Variants in ABCA13 observed in about 807,000 individuals in gnomAD.
ABCA13 encodes ATP binding cassette subfamily A member 13, also known as ATP-binding cassette sub-family A member 13.
A neutral mutation model predicts 478.7 loss-of-function variants in ABCA13; 476 were observed. The observed-to-expected ratio is 0.99, with a 90% CI of 0.92 to 1.07. The LOEUF (loss-of-function observed/expected upper bound fraction) is 1.07, where lower values mean the gene tolerates loss of function less well. Among genes scored for constraint, ABCA13 ranks in the 50% least tolerant of loss-of-function variants. The pLI is 0.00. For missense variants in ABCA13, 6,060 were observed against 5,910.6 expected (o/e 1.03, Z -0.83); for synonymous variants, 2,252 against 2,158.9 (o/e 1.04, Z -1.20).
intron 45 of ABCA13, among the ~76,000 whole-genome samples, chr7:48,477,438 C>T (rs1828233516): frequency 6.6e-6 from 1 of 151,968 alleles, no homozygotes; most frequent in Admixed American, 6.6e-5. Flanking sequence ...GACACATGCA[C>T]ACGTATGTTT....
At chr7:48,407,239 C>T (rs1006809297) in intron 39 of ABCA13, among the ~76,000 whole-genome samples, 4 of 151,914 alleles carry the variant, frequency 2.6e-5, no homozygotes, top group South Asian at 2.1e-4. Context: ...TTTGGGCGGC[C>T]GAGAGAAGTG....
chr7:48,459,868 GCTCCATGAC>G (rs1172903247), intron 43 of ABCA13, among the ~76,000 whole-genome samples: 1 of 152,074 alleles, frequency 6.6e-6, no homozygotes, highest in Non-Finnish European at 1.5e-5. Flanking sequence ...AAATATTTAG[GCTCCATGAC>G]CTCATCTTCT....
At chr7:48,330,230 C>T (rs1219304224) in intron 27 of ABCA13, among the ~76,000 whole-genome samples, 1 of 151,704 alleles carries the variant, frequency 6.6e-6, no homozygotes, top group East Asian at 2.0e-4. Context: ...TTCATCCATT[C>T]ACATATCCAT....
rs768908802 is a variant in ABCA13 at position 48,272,306 on chromosome 7, T to A, written c.2640T>A (p.Asp880Glu). 44 of 1,613,646 alleles carry A rather than the reference T, an allele frequency of 2.7e-5. No individual in the cohort carries two copies. The highest frequency in any genetic ancestry group is 2.8e-5 in the Non-Finnish European group (33 of 1,179,756). Reference protein sequence around the residue: ...SFNFSQLFHSDWPKSPAMNID... With the variant: ...SFNFSQLFHSEWPKSPAMNID... ...ACTTTTCCCAGTTGTTCCATTCAGA[T>A]TGGCCTAAATCACCAGCTATGAACA... The change falls in exon 17 of 62, where the codon GAT (aspartate) becomes GAA (glutamate). Residue 880 changes from aspartate (D) to glutamate (E), a missense_variant. Asp to Glu is a conservative substitution (Grantham distance 45). This residue lies in a region of ABCA13 where 4,423 missense variants were observed against 4,309.1 expected (regional missense o/e 1.03). Coordinates refer to ENST00000435803, the MANE Select transcript of ABCA13 (RefSeq NM_152701.5).
intron 40 of ABCA13, among the ~76,000 whole-genome samples, chr7:48,410,977 C>CTCTCTCTTTCTTTCTT (rs1554499567): frequency 1.9e-5 from 2 of 104,642 alleles, no homozygotes; most frequent in African/African-American, 7.2e-5. Context: ...AAATTCTTTT[C>CTCTCTCTTTCTTTCTT]TCTTTCTTTC....
intron 55 of ABCA13, among the ~76,000 whole-genome samples, chr7:48,529,082 G>A (rs148368479): frequency 8.5e-5 from 13 of 152,092 alleles, no homozygotes; most frequent in Non-Finnish European, 1.6e-4. Flanking sequence ...GTGCCTTCAC[G>A]CCCCTTTCTG....
At chr7:48,325,431 G>T (rs1242093451) in intron 27 of ABCA13, among the ~76,000 whole-genome samples, 1 of 152,088 alleles carries the variant, frequency 6.6e-6, no homozygotes, top group Non-Finnish European at 1.5e-5. Context: ...ACCTTTGCCA[G>T]CATCACATCC....
intron 15 of ABCA13, among the ~76,000 whole-genome samples, chr7:48,253,952 C>T (rs778079353): frequency 1.1e-4 from 16 of 149,354 alleles, no homozygotes; most frequent in Non-Finnish European, 1.3e-4. Context: ...TGTGTGTGTT[C>T]GTGTGTGTGT....
Position 48,245,944 on chromosome 7 carries a change from TG to T in ABCA13, c.1577del (p.Gly526ValfsTer18), listed in dbSNP as rs767194429. 6.2e-7 allele frequency: 1 copy of T among 1,613,816 alleles called. No homozygotes were observed. The highest frequency in any genetic ancestry group is 1.1e-5 in the South Asian group (1 of 91,058). ...VFLPPGNSSIWGGLQGLLCYC... is the reference protein window; with the variant it reads ...VFLPPGNSSIXGGLQGLLCYC... ...TTTGCCGCCTGGAAACTCCAGCATA[TG>T]GGGTGGTCTCCAGGGACTGTTGTGC... is the stretch of plus-strand genomic sequence containing the variant. On this transcript the variant is annotated frameshift_variant, in exon 13 of 62. Transcript: ENST00000435803. LOFTEE classifies it high-confidence loss of function.
intron 38 of ABCA13, among the ~76,000 whole-genome samples, chr7:48,400,122 T>C (rs979299152): frequency 6.6e-6 from 1 of 152,056 alleles, no homozygotes; most frequent in Non-Finnish European, 1.5e-5. Flanking sequence ...ACTGATTTCA[T>C]ATGCCACTGT....
chr7:48,482,544 A>T (rs7457739), intron 46 of ABCA13, among the ~76,000 whole-genome samples: 3,165 of 148,324 alleles, frequency 0.021, 67 homozygotes, highest in Non-Finnish European at 0.032. Context: ...TGCCCAGCTA[A>T]TTTTTTTTTT....
At chr7:48,351,578 T>C (rs878937770) in intron 30 of ABCA13, among the ~76,000 whole-genome samples, 9 of 152,172 alleles carry the variant, frequency 5.9e-5, no homozygotes, top group Admixed American at 5.9e-4. Flanking sequence ...TGTTTAAGTT[T>C]CCCTCTTTTT....
chr7:48,527,408 C>A lies in ABCA13; in HGVS notation c.14245-828C>A, dbSNP rs150385355. On this transcript the variant is annotated intron_variant, in intron 54 of 61. Coordinates refer to ENST00000435803, the MANE Select transcript of ABCA13 (RefSeq NM_152701.5). ...TTCCAAGATTTGAGGAGCCAGGAAG[C>A]CAGTTTGTATCCATAGATCGCAGCT... Among the ~76,000 whole-genome samples, 69 of 152,150 alleles carry A rather than the reference C, an allele frequency of 4.5e-4. 2 individuals are homozygous for A. The East Asian group carries it at 0.013, about 29-fold the overall frequency.
intron 1 of ABCA13, among the ~76,000 whole-genome samples, chr7:48,176,445 A>T (rs1794887264): frequency 6.6e-6 from 1 of 152,188 alleles, no homozygotes; most frequent in Non-Finnish European, 1.5e-5. Flanking sequence ...TGCCCATGGA[A>T]ACCACATCCC....
intron 6 of ABCA13, among the ~76,000 whole-genome samples, chr7:48,228,128 C>T (rs1050057616): frequency 6.6e-6 from 1 of 152,144 alleles, no homozygotes; most frequent in Non-Finnish European, 1.5e-5. Context: ...TTATATTCTT[C>T]TCTGTTTTTT....
At chr7:48,496,195 AT>A (rs146441780) in intron 48 of ABCA13, among the ~76,000 whole-genome samples, 1,825 of 151,486 alleles carry the variant, frequency 0.012, 39 homozygotes, top group African/African-American at 0.041. Context: ...TTACTTGAGC[AT>A]TTTTTTTGAT....
intron 41 of ABCA13, among the ~76,000 whole-genome samples, chr7:48,415,612 A>G (rs1819872341): frequency 6.6e-6 from 1 of 152,172 alleles, no homozygotes; most frequent in Admixed American, 6.5e-5. Flanking sequence ...CCCTTTACGT[A>G]AGTGGCATTT....
chr7:48,309,249 A>G (rs1008589898), intron 23 of ABCA13, among the ~76,000 whole-genome samples: 3 of 152,116 alleles, frequency 2.0e-5, no homozygotes, highest in Non-Finnish European at 2.9e-5. Context: ...CACAGCAATC[A>G]TACCCATCAG....
chr7:48,229,798 T>A lies in ABCA13; in HGVS notation c.633-27T>A, dbSNP rs1368353833. The A allele has an allele frequency of 2.5e-6, 4 of 1,613,328 alleles. 1 individual carries two copies. In the East Asian group the frequency reaches 8.9e-5, roughly 36 times the overall value. On this transcript the variant is annotated intron_variant, in intron 6 of 61. Coordinates refer to ENST00000435803, the MANE Select transcript of ABCA13 (RefSeq NM_152701.5). ...TTGTTTTGCTAACTACCCACTCATA[T>A]TGCTTTTTGTTTTGTTTTGGTTCTA...
Sources: allele counts gnomAD v4.1 joint callset (sites outside exome capture counted in the v4.1 genomes callset), GRCh38; gene constraint gnomAD v4.1.1; regional missense constraint gnomAD v4.1.1; transcripts MANE v1.5; gene names NCBI Gene and HGNC (gene_info 2026-07-23, HGNC 2026-07-21).